R3HCC1: variants seen among roughly 807,000 people sequenced by gnomAD.
R3HCC1 encodes the protein R3H and coiled-coil domain-containing protein 1.
R3HCC1 carries 32 observed loss-of-function variants against 40.0 expected under a neutral mutation model. The ratio of observed to expected loss-of-function variants is 0.80; its 90% CI spans 0.60 to 1.07. The LOEUF is 1.07. Ranked by LOEUF, R3HCC1 falls within the 50% of genes least tolerant of loss-of-function variation. R3HCC1 has a pLI of 0.00. For synonymous variants in R3HCC1, 237 were observed against 232.8 expected, an observed-to-expected ratio of 1.02 and a Z score of -0.17; for missense variants, 586 against 563.3, an observed-to-expected ratio of 1.04 and a Z score of -0.41.
chr8:23,296,235 C>CT lies in R3HCC1; in HGVS notation c.*138_*139insT. 1 of 1,021,508 alleles carries CT rather than the reference C, an allele frequency of 9.8e-7. No homozygotes were observed. The allele number at this position is 1,021,508 out of a possible 1,614,324, so 63.3% of individuals were successfully genotyped here. A position where few individuals can be genotyped will look rare whatever the true frequency, so the allele number is the denominator to read the frequency against. On this transcript the variant is annotated 3_prime_UTR_variant, in exon 8 of 8. Coordinates refer to ENST00000265806, the MANE Select transcript of R3HCC1 (RefSeq NM_001136108.3). Reference sequence around the variant, plus strand: ...GGGGTGTGGTGGGCTTTAGTTTAGTCCCAGAAATGGAGAAAAAATAAAAAC... The same window carrying CT: ...GGGGTGTGGTGGGCTTTAGTTTAGTCTCCAGAAATGGAGAAAAAATAAAAAC...
At position 23,296,020 on chromosome 8, in the gene R3HCC1, C is replaced by T. The variant is rs373462928; in HGVS notation, c.1246C>T (p.Arg416Trp). 18 of 1,550,790 alleles carry T rather than the reference C, an allele frequency of 1.2e-5. No homozygotes were observed. The highest frequency in any genetic ancestry group is 3.6e-5 in the South Asian group (3 of 84,054). ...ACAGACAAATGCGACTGTGGCCCGG[C>T]GGCTGGTGGCCCGGGCCCTGGGACT... The change falls in exon 8 of 8, where the codon CGG (arginine) becomes TGG (tryptophan). Residue 416 changes from arginine (R) to tryptophan (W), a missense_variant. By Grantham distance (101) the Arg-to-Trp change is moderately radical. Transcript: ENST00000265806.
chr8:23,295,127 G>T (rs1802974099), intron 7 of R3HCC1, among the ~76,000 whole-genome samples: 1 of 152,108 alleles, frequency 6.6e-6, no homozygotes, highest in African/African-American at 2.4e-5. Flanking sequence ...GTGCAGGGAG[G>T]CTCTCCTGCT....
rs1173414921 is a variant in R3HCC1, at chr8:23,289,058, G to A, written c.153G>A (p.Leu51=). Residue 51 remains leucine, a synonymous_variant, in exon 3 of 8, where the codon CTG becomes CTA. Coordinates refer to ENST00000265806, the MANE Select transcript of R3HCC1 (RefSeq NM_001136108.3). ...CACTCTCCAGTCGCCTCCGGTACCT[G>A]ATCCATAGAACAGCAGAGAATTTTG... is the stretch of plus-strand genomic sequence containing the variant. 1 of 1,536,502 alleles carries A rather than the reference G, an allele frequency of 6.5e-7. No homozygotes were observed. Among genetic ancestry groups the A allele is most frequent in the African/African-American group, 1.4e-5 (1 of 73,030 alleles).
intron 5 of R3HCC1, among the ~76,000 whole-genome samples, chr8:23,292,504 C>T (rs997875572): frequency 1.3e-5 from 2 of 152,192 alleles, no homozygotes; most frequent in African/African-American, 4.8e-5. Flanking sequence ...GTCCCAGCTA[C>T]TCGGGAGGCT....
intron 5 of R3HCC1, among the ~76,000 whole-genome samples, chr8:23,292,692 T>C (rs1370298457): frequency 6.6e-6 from 1 of 152,220 alleles, no homozygotes; most frequent in East Asian, 1.9e-4. Flanking sequence ...AGCCTTCCGC[T>C]GTGCTCTGCT....
At chr8:23,292,761 T>C (rs1177840560) in intron 5 of R3HCC1, among the ~76,000 whole-genome samples, 2 of 152,258 alleles carry the variant, frequency 1.3e-5, no homozygotes, top group Non-Finnish European at 2.9e-5. Context: ...TTCTGTTCTC[T>C]ACCTTGATGG....
Position 23,290,385 on chromosome 8 carries a change from A to AGAGGAGGAAGAGGACGAAGAG in R3HCC1, c.773_793dup (p.Glu258_Glu264dup). The AGAGGAGGAAGAGGACGAAGAG allele has an allele frequency of 6.4e-7, 1 of 1,551,756 alleles. No homozygotes were observed. The highest frequency in any genetic ancestry group is 2.4e-5 in the East Asian group (1 of 40,926). On this transcript the variant is annotated inframe_insertion, in exon 4 of 8. Transcript: ENST00000265806. ...GTCTGTTGGAGAAGAGGCTGGTGGC[A>AGAGGAGGAAGAGGACGAAGAG]GAGGAGGAAGAGGACGAAGAGGAGG...
At chr8:23,289,527 CTTACT>C (rs1802814028) in intron 3 of R3HCC1, among the ~76,000 whole-genome samples, 1 of 152,158 alleles carries the variant, frequency 6.6e-6, no homozygotes, top group Non-Finnish European at 1.5e-5. Flanking sequence ...CAGTGAGCAT[CTTACT>C]TTAATGACTG....
intron 5 of R3HCC1, among the ~76,000 whole-genome samples, chr8:23,292,876 G>A (rs1255262464): frequency 2.0e-5 from 3 of 152,166 alleles, no homozygotes; most frequent in Non-Finnish European, 4.4e-5. Context: ...TGAGCAATAG[G>A]AATAAAGCTG....
chr8:23,294,915 G>GAGCGTGTGTGTGTGTGCC, intron 7 of R3HCC1, 51 bp downstream of exon 7: 2 of 1,283,116 alleles, frequency 1.6e-6, no homozygotes, highest in Non-Finnish European at 2.2e-6. Flanking sequence ...GTGTGTGTGC[G>GAGCGTGTGTGTGTGTGCC]TGCGAGCATG....
At position 23,293,307 on chromosome 8, in the gene R3HCC1, A is replaced by G; in HGVS notation, c.1030A>G (p.Lys344Glu). Residue 344 changes from lysine (K) to glutamate (E), a missense_variant, in exon 6 of 8, where the codon AAG (lysine) becomes GAG (glutamate). By Grantham distance (56) the Lys-to-Glu change is moderately conservative. Coordinates refer to ENST00000265806, the MANE Select transcript of R3HCC1 (RefSeq NM_001136108.3). ...GTCTCCTCTCTCGCCGCACAGAGAG[A>G]AGGGGTTCAGGATTCAGTGGGTGGA... The G allele has an allele frequency of 6.4e-7, 1 of 1,551,136 alleles. No homozygotes were observed. The highest frequency in any genetic ancestry group is 8.7e-7 in the Non-Finnish European group (1 of 1,146,784).
chr8:23,295,773 C>T, intron 7 of R3HCC1, 194 bp from the exon 8 acceptor site: 1 of 758,846 alleles, frequency 1.3e-6, no homozygotes. Flanking sequence ...GGGTCAGCAT[C>T]CCCTGGGGGG....
At position 23,290,443 on chromosome 8, in the gene R3HCC1, G is replaced by A; in HGVS notation, c.826G>A (p.Asp276Asn). Residue 276 changes from aspartate to asparagine, a missense_variant, in exon 4 of 8, where the codon GAC (aspartate) becomes AAC (asparagine). Coordinates refer to ENST00000265806, the MANE Select transcript of R3HCC1 (RefSeq NM_001136108.3). ...GGATGGCCCCAGCAGCTGCTCGGAG[G>A]ACGATTACAGTGAGCTGCTGCAGGA... 6.4e-7 allele frequency: 1 copy of A among 1,550,992 alleles called. No individual in the cohort carries two copies. Among genetic ancestry groups the A allele is most frequent in the Non-Finnish European group, 8.7e-7 (1 of 1,146,716 alleles).
intron 7 of R3HCC1, chr8:23,295,540 C>T: frequency 2.2e-6 from 1 of 462,788 alleles, no homozygotes. Flanking sequence ...AAGAGGCCTG[C>T]CGAGGCCAGC....
chr8:23,296,091 G>C lies in R3HCC1; in HGVS notation c.1317G>C (p.Pro439=). ...GGCCTGCTGTCCGGGGTCCGCTGCC[G>C]CCCTGAGGCCTGGAGACCCAACTGG... The change falls in exon 8 of 8, where the codon CCG becomes CCC. Residue 439 remains proline, a synonymous_variant. Transcript: ENST00000265806. 1 of 1,549,424 alleles carries C rather than the reference G, an allele frequency of 6.5e-7. No homozygotes were observed. The highest frequency in any genetic ancestry group is 8.7e-7 in the Non-Finnish European group (1 of 1,146,510).
rs978101418 is a variant in R3HCC1, at chr8:23,294,742, G to A, written c.1097-27G>A. ...CGCGGGGTCCTGAGGAGGAGGGAGT[G>A]GCTCCACGCCTGCTTTCTTTCCACA... On this transcript the variant is annotated intron_variant, in intron 6 of 7. Coordinates refer to ENST00000265806, the MANE Select transcript of R3HCC1 (RefSeq NM_001136108.3). The A allele has an allele frequency of 1.4e-5, 22 of 1,533,196 alleles. No homozygotes were observed. The Admixed American group carries it at 4.1e-4, about 29-fold the overall frequency. 95.0% of individuals were successfully genotyped at this position (1,533,196 alleles called of 1,614,324 possible). A position where few individuals can be genotyped will look rare whatever the true frequency, so the allele number is the denominator to read the frequency against.
upstream of R3HCC1, chr8:23,288,104 G>T: frequency 7.9e-7 from 1 of 1,270,838 alleles, no homozygotes; most frequent in Non-Finnish European, 1.0e-6. Flanking sequence ...GGGCGCTCGG[G>T]CGCGCTGGCC....
chr8:23,290,826 C>A, intron 4 of R3HCC1: 1 of 282,662 alleles, frequency 3.5e-6, no homozygotes, highest in Non-Finnish European at 6.6e-6. Flanking sequence ...GGAAATTACT[C>A]TTTAGCCTGA....
In R3HCC1 at chr8:23,293,350, G is replaced by C; in HGVS notation, c.1073G>C (p.Gly358Ala). ...TGGGTGGATGATACTCACGCACTCG[G>C]CATCTTTCCCTGCCTGGCCTCAGGT... The change falls in exon 6 of 8, where the codon GGC (glycine) becomes GCC (alanine). Residue 358 changes from glycine (G) to alanine (A), a missense_variant. By Grantham distance (60) the Gly-to-Ala change is moderately conservative. Transcript: ENST00000265806. 1 of 1,551,322 alleles carries C rather than the reference G, an allele frequency of 6.4e-7. No homozygotes were observed. The highest frequency in any genetic ancestry group is 8.7e-7 in the Non-Finnish European group (1 of 1,146,876).
Sources: gnomAD v4.1 joint callset for allele counts (sites outside exome capture counted in the v4.1 genomes callset) on GRCh38, gnomAD v4.1.1 for gene constraint, MANE v1.5 for transcripts, NCBI Gene and HGNC (gene_info 2026-07-23, HGNC 2026-07-21) for gene names.